USP33: variants seen among roughly 807,000 people sequenced by gnomAD.
USP33 encodes the protein ubiquitin specific peptidase 33.
USP33 carries 46 observed loss-of-function variants against 124.2 expected under a neutral mutation model. The ratio of observed to expected loss-of-function variants is 0.37; its 90% CI spans 0.29 to 0.47. USP33 has a LOEUF of 0.47. USP33 is among the 20% of genes least tolerant of loss of function. The pLI, the probability that USP33 is intolerant of heterozygous loss-of-function variation, is 0.99. For missense variants in USP33, 851 were observed against 1,070.6 expected, an observed-to-expected ratio of 0.79 and a Z score of 2.86; for synonymous variants, 350 against 352.3, an observed-to-expected ratio of 0.99 and a Z score of 0.07.
At chr1:77,744,842 G>A (rs575273160) in intron 1 of USP33, among the ~76,000 whole-genome samples, 23 of 152,256 alleles carry the variant, frequency 1.5e-4, no homozygotes, top group Middle Eastern at 3.4e-3. Context: ...AAGATCCTGT[G>A]CCAAAAACAA....
chr1:77,736,729 A>G (rs1170153657), intron 5 of USP33, among the ~76,000 whole-genome samples: 1 of 151,618 alleles, frequency 6.6e-6, no homozygotes, highest in Non-Finnish European at 1.5e-5. Context: ...CCTGCCTCAG[A>G]CTCCCAAGCA....
intron 21 of USP33, among the ~76,000 whole-genome samples, chr1:77,705,207 T>A (rs1674491861): frequency 6.6e-6 from 1 of 151,890 alleles, no homozygotes. Flanking sequence ...TTTTATTTTT[T>A]TTTTTGAGAC....
At chr1:77,706,347 T>C (rs1032516144) in intron 21 of USP33, among the ~76,000 whole-genome samples, 1 of 152,222 alleles carries the variant, frequency 6.6e-6, no homozygotes, top group Non-Finnish European at 1.5e-5. Flanking sequence ...TTAAGGGTAA[T>C]TCCTATCCAA....
chr1:77,718,947 A>G (rs1242054558), intron 15 of USP33, among the ~76,000 whole-genome samples: 1 of 150,372 alleles, frequency 6.7e-6, no homozygotes, highest in African/African-American at 2.4e-5. Flanking sequence ...AAAAAAAAAG[A>G]AAGAAAGAAA....
intron 21 of USP33, among the ~76,000 whole-genome samples, chr1:77,710,304 T>A (rs1056009476): frequency 6.6e-6 from 1 of 152,216 alleles, no homozygotes; most frequent in Non-Finnish European, 1.5e-5. Context: ...CCTATTCCAC[T>A]TTTAGATTTC....
At chr1:77,732,742 A>C (rs928534966) in intron 7 of USP33, among the ~76,000 whole-genome samples, 1 of 151,180 alleles carries the variant, frequency 6.6e-6, no homozygotes, top group Non-Finnish European at 1.5e-5. Context: ...ATCCTTTCAA[A>C]CAACCAACCG....
At chr1:77,759,345 C>T (rs905600962) in intron 1 of USP33, 5 of 367,996 alleles carry the variant, frequency 1.4e-5, no homozygotes, top group Non-Finnish European at 2.4e-5. Flanking sequence ...TTCTCGGGCT[C>T]ACCTGCACCT....
chr1:77,747,708 A>T (rs1679884264), intron 1 of USP33, among the ~76,000 whole-genome samples: 1 of 152,216 alleles, frequency 6.6e-6, no homozygotes, highest in South Asian at 2.1e-4. Context: ...TTATCTTCAC[A>T]TTTCCTTTAC....
chr1:77,713,448 A>G, intron 19 of USP33, 167 bp from the exon 20 acceptor site: 1 of 554,784 alleles, frequency 1.8e-6, no homozygotes, highest in South Asian at 2.4e-5. Context: ...CAGTGGCATG[A>G]TCATGGCTCA....
At position 77,739,410 on chromosome 1, in the gene USP33, T is replaced by G. The variant is rs751351010; in HGVS notation, c.206A>C (p.Lys69Thr). ...DHSTIHSQET[K>T]HYLTVNLTTL... is the part of the protein sequence containing the mutation. ...GGTAAGGTTCACAGTTAGATAATGC[T>G]TTGTCTCCTATATAATTTCACAGTA... The change falls in exon 5 of 24, where the codon AAG becomes ACG. Residue 69 changes from lysine to threonine, a missense_variant. By Grantham distance (78) the Lys-to-Thr change is moderately conservative. This residue lies in a region of USP33 where 221 missense variants were observed against 302.9 expected (regional missense o/e 0.73). Transcript: ENST00000370794. 1.2e-6 allele frequency: 2 copies of G among 1,602,120 alleles called. No individual in the cohort carries two copies. Among genetic ancestry groups the G allele is most frequent in the Non-Finnish European group, 1.7e-6 (2 of 1,175,304 alleles).
chr1:77,711,717 AG>A, intron 21 of USP33, 29 bp downstream of exon 21: 1 of 1,595,472 alleles, frequency 6.3e-7, no homozygotes, highest in Non-Finnish European at 8.5e-7. Context: ...TCTTTATCCT[AG>A]ATCAATTTGA....
At chr1:77,721,132 T>A in intron 15 of USP33, 40 bp downstream of exon 15, 1 of 1,611,984 alleles carries the variant, frequency 6.2e-7, no homozygotes, top group Non-Finnish European at 8.5e-7. Flanking sequence ...CCAAGAAAAA[T>A]ACACAACATG....
chr1:77,718,508 G>A, intron 16 of USP33, 88 bp downstream of exon 16: 1 of 1,077,178 alleles, frequency 9.3e-7, no homozygotes, highest in Non-Finnish European at 1.4e-6. Flanking sequence ...CTTCAACCAA[G>A]CAAAGAGAAT....
chr1:77,759,323 C>A, intron 1 of USP33: 1 of 339,792 alleles, frequency 2.9e-6, no homozygotes, highest in Non-Finnish European at 5.3e-6. Context: ...AGGAAGGGAG[C>A]AGAGCCCCCG....
At chr1:77,737,651 T>C (rs1374867180) in intron 5 of USP33, among the ~76,000 whole-genome samples, 1 of 152,238 alleles carries the variant, frequency 6.6e-6, no homozygotes. Flanking sequence ...ATTAAGTTTA[T>C]GCCTTTTATG....
intron 14 of USP33, 129 bp from the exon 15 acceptor site, chr1:77,721,334 CTA>C (rs1272895668): frequency 7.5e-6 from 7 of 936,230 alleles, no homozygotes; most frequent in Non-Finnish European, 1.2e-5. Flanking sequence ...TTTTTTTAAT[CTA>C]TGCTCATGAA....
chr1:77,711,378 T>G (rs1477423910), intron 21 of USP33: 1 of 162,294 alleles, frequency 6.2e-6, no homozygotes. Context: ...AATACAAAAA[T>G]TAGCCTAGCG....
intron 1 of USP33, among the ~76,000 whole-genome samples, chr1:77,749,075 A>G (rs1244204740): frequency 6.6e-6 from 1 of 152,194 alleles, no homozygotes; most frequent in African/African-American, 2.4e-5. Flanking sequence ...CTATAACAAC[A>G]TCCATTTTCT....
rs1266517259 is a variant in USP33, at chr1:77,697,309, C to T, written c.*8G>A. 1.3e-6 allele frequency: 2 copies of T among 1,592,274 alleles called. No individual in the cohort carries two copies. Among genetic ancestry groups the T allele is most frequent in the East Asian group, 2.2e-5 (1 of 44,682 alleles). On this transcript the variant is annotated 3_prime_UTR_variant, in exon 24 of 24. Coordinates refer to ENST00000370794, the MANE Select transcript of USP33 (RefSeq NM_201624.3). Reference sequence around the variant, plus strand: ...GATTCCTCATTAGAACTCTCTACATCCTAAAAATTACAAAGACCGAGTTTC... The same window carrying T: ...GATTCCTCATTAGAACTCTCTACATTCTAAAAATTACAAAGACCGAGTTTC...
Sources: allele counts gnomAD v4.1 joint callset (sites outside exome capture counted in the v4.1 genomes callset), GRCh38; gene constraint gnomAD v4.1.1; regional missense constraint gnomAD v4.1.1; transcripts MANE v1.5; gene names NCBI Gene and HGNC (gene_info 2026-07-23, HGNC 2026-07-21).